Variants in ZRANB3 observed in about 807,000 individuals in gnomAD.
ZRANB3 encodes the protein zinc finger RANBP2-type containing 3.
In ZRANB3, 125 loss-of-function variants were observed where a neutral mutation model predicts 133.8. The ratio of observed to expected loss-of-function variants is 0.93; its 90% CI spans 0.81 to 1.08. ZRANB3 has a LOEUF of 1.08. Ranked by LOEUF, ZRANB3 falls within the 50% of genes least tolerant of loss-of-function variation. The pLI, the probability that ZRANB3 is intolerant of heterozygous loss-of-function variation, is 0.00. For synonymous variants in ZRANB3, 387 were observed against 432.7 expected, an observed-to-expected ratio of 0.89 and a Z score of 1.31; for missense variants, 1,229 against 1,275.5, an observed-to-expected ratio of 0.96 and a Z score of 0.56.
Position 135,269,141 on chromosome 2 carries a change from C to T in ZRANB3, c.1207G>A (p.Gly403Arg). ...AILSIQAAGQGLTFTAASHVV... is the reference protein window; with the variant it reads ...AILSIQAAGQRLTFTAASHVV... ...TGACTTGCTGCAGTAAATGTTAATC[C>T]CTAAGTGAAATAAAGCAAATAAATT... The change falls in exon 11 of 21, where the codon GGA (glycine) becomes AGA (arginine). Residue 403 changes from glycine to arginine, a missense_variant and splice_region_variant. Transcript: ENST00000264159. 1.3e-6 allele frequency: 2 copies of T among 1,585,838 alleles called. No individual in the cohort carries two copies. Among genetic ancestry groups the T allele is most frequent in the Non-Finnish European group, 1.7e-6 (2 of 1,168,672 alleles).
intron 8 of ZRANB3, among the ~76,000 whole-genome samples, chr2:135,284,787 C>G (rs1681271107): frequency 6.7e-6 from 1 of 149,766 alleles, no homozygotes; most frequent in Non-Finnish European, 1.5e-5. Flanking sequence ...CCTTACTTTA[C>G]TCATCCTCAC....
chr2:135,522,932 G>C (rs1229367847), intron 1 of ZRANB3, among the ~76,000 whole-genome samples: 1 of 152,182 alleles, frequency 6.6e-6, no homozygotes, highest in African/African-American at 2.4e-5. Context: ...TTAGAAAAAT[G>C]AATGTGGGGG....
chr2:135,418,925 CTTTTTT>C lies in ZRANB3; in HGVS notation c.162-28111_162-28106del, dbSNP rs769271961. 5.6e-4 allele frequency among the ~76,000 whole-genome samples: 48 copies of C among 85,894 alleles called. 1 individual carries two copies. Among genetic ancestry groups the C allele is most frequent in the Middle Eastern group, 0.018 (2 of 110 alleles). 56.3% of individuals were successfully genotyped at this position (85,894 alleles called of 152,430 possible). Reference sequence around the variant, plus strand: ...AAGTAATGAAAAATAAGGATTCTCTCTTTTTTTTTTTTTTTTTTTTTTTTTTTTTTG... The same window carrying C: ...AAGTAATGAAAAATAAGGATTCTCTCTTTTTTTTTTTTTTTTTTTTTTTTG... On this transcript the variant is annotated intron_variant, in intron 2 of 20. Transcript: ENST00000264159.
chr2:135,438,706 T>G (rs1428836056), intron 2 of ZRANB3, among the ~76,000 whole-genome samples: 1 of 152,136 alleles, frequency 6.6e-6, no homozygotes, highest in East Asian at 1.9e-4. Flanking sequence ...CATTATGTAT[T>G]AACTGAAGAC....
At chr2:135,336,712 G>A (rs1482853945) in intron 6 of ZRANB3, among the ~76,000 whole-genome samples, 3 of 152,160 alleles carry the variant, frequency 2.0e-5, no homozygotes, top group Non-Finnish European at 4.4e-5. Flanking sequence ...TAGGCATTAA[G>A]TAAGAAAGAG....
intron 2 of ZRANB3, among the ~76,000 whole-genome samples, chr2:135,418,156 TA>T (rs1295052027): frequency 5.9e-5 from 9 of 151,964 alleles, no homozygotes; most frequent in Admixed American, 2.0e-4. Flanking sequence ...ACAATACAAA[TA>T]AAAAATACAG....
intron 8 of ZRANB3, among the ~76,000 whole-genome samples, chr2:135,286,980 C>A (rs562405726): frequency 6.6e-6 from 1 of 152,266 alleles, no homozygotes; most frequent in Non-Finnish European, 1.5e-5. Context: ...GGTTCTTGGT[C>A]ATGAACTCTT....
intron 6 of ZRANB3, among the ~76,000 whole-genome samples, chr2:135,330,686 CT>C (rs112938979): frequency 0.27 from 40,681 of 151,784 alleles, 9,149 homozygotes; most frequent in African/African-American, 0.6. Flanking sequence ...TGGTCCTGGA[CT>C]TTTTTTTGGT....
intron 11 of ZRANB3, among the ~76,000 whole-genome samples, chr2:135,268,019 A>G (rs1410526483): frequency 6.6e-6 from 1 of 152,176 alleles, no homozygotes; most frequent in East Asian, 1.9e-4. Flanking sequence ...ACCAGAACTC[A>G]ACCATACTGG....
chr2:135,305,593 T>C (rs1183899886), intron 8 of ZRANB3, among the ~76,000 whole-genome samples: 1 of 152,224 alleles, frequency 6.6e-6, no homozygotes, highest in Non-Finnish European at 1.5e-5. Flanking sequence ...TCTTATTTTT[T>C]ATCATTGTGG....
intron 2 of ZRANB3, among the ~76,000 whole-genome samples, chr2:135,472,455 G>A (rs1412735682): frequency 2.0e-5 from 3 of 146,784 alleles, no homozygotes; most frequent in Non-Finnish European, 3.0e-5. Flanking sequence ...AGCTGAGATC[G>A]AGCTACTGCA....
intron 12 of ZRANB3, among the ~76,000 whole-genome samples, chr2:135,236,026 T>C (rs1459359717): frequency 6.6e-6 from 1 of 152,168 alleles, no homozygotes; most frequent in African/African-American, 2.4e-5. Context: ...CATGATTATA[T>C]ATCTAGAAAA....
At chr2:135,414,229 C>A (rs977640322) in intron 2 of ZRANB3, among the ~76,000 whole-genome samples, 1 of 152,074 alleles carries the variant, frequency 6.6e-6, no homozygotes, top group Non-Finnish European at 1.5e-5. Context: ...CAGAGACACA[C>A]ATAGGCTCAA....
intron 2 of ZRANB3, among the ~76,000 whole-genome samples, chr2:135,454,159 C>A (rs575574221): frequency 6.6e-6 from 1 of 152,304 alleles, no homozygotes; most frequent in South Asian, 2.1e-4. Flanking sequence ...CTGGCCCCCA[C>A]GATTCAGTTA....
chr2:135,342,019 C>G (rs1022489902), intron 6 of ZRANB3, among the ~76,000 whole-genome samples: 1 of 149,924 alleles, frequency 6.7e-6, no homozygotes, highest in African/African-American at 2.5e-5. Context: ...TTTTATTGCC[C>G]TTGAAGCATG....
At chr2:135,416,922 C>G (rs1688603925) in intron 2 of ZRANB3, among the ~76,000 whole-genome samples, 1 of 152,170 alleles carries the variant, frequency 6.6e-6, no homozygotes, top group Non-Finnish European at 1.5e-5. Context: ...AAAGCTGAAA[C>G]TGGATCCCTT....
chr2:135,434,042 A>T (rs1449473700), intron 2 of ZRANB3, among the ~76,000 whole-genome samples: 2 of 152,098 alleles, frequency 1.3e-5, no homozygotes, highest in African/African-American at 4.8e-5. Context: ...GATGCCTGTA[A>T]TCCCGGATGC....
chr2:135,517,160 T>A (rs967405949), intron 1 of ZRANB3, among the ~76,000 whole-genome samples: 1 of 152,028 alleles, frequency 6.6e-6, no homozygotes, highest in Non-Finnish European at 1.5e-5. Context: ...GTTATTGTAG[T>A]TAGCAATTCC....
At chr2:135,417,646 A>G (rs1688648918) in intron 2 of ZRANB3, among the ~76,000 whole-genome samples, 2 of 152,226 alleles carry the variant, frequency 1.3e-5, no homozygotes, top group South Asian at 4.1e-4. Flanking sequence ...ATGCTGCTAT[A>G]AAGACACATG....
Sources: allele counts gnomAD v4.1 joint callset (sites outside exome capture counted in the v4.1 genomes callset), GRCh38; gene constraint gnomAD v4.1.1; transcripts MANE v1.5; gene names NCBI Gene and HGNC (gene_info 2026-07-23, HGNC 2026-07-21).